The following NKAIN2 variants were observed in gnomAD, a reference collection of about 807,000 sequenced individuals.
The protein encoded by NKAIN2 is sodium/potassium-transporting ATPase subunit beta-1-interacting protein 2.
Under a neutral mutation model 32.6 loss-of-function variants are expected in NKAIN2, and 14 were observed. That is an observed-to-expected ratio of 0.43 (90% confidence interval 0.28 to 0.67). NKAIN2 has a LOEUF of 0.67. NKAIN2 is among the 30% of genes least tolerant of loss of function. The pLI, the probability that NKAIN2 is intolerant of heterozygous loss-of-function variation, is 0.17. For synonymous variants in NKAIN2, 80 were observed against 87.2 expected (o/e 0.92, Z 0.46); for missense variants, 198 against 258.3 (o/e 0.77, Z 1.60).
At chr6:124,387,341 A>C (rs1195761601) in intron 3 of NKAIN2, among the ~76,000 whole-genome samples, 1 of 151,610 alleles carries the variant, frequency 6.6e-6, no homozygotes, top group Non-Finnish European at 1.5e-5. Flanking sequence ...AGTGTGTGAA[A>C]GAACCTCCTT....
At chr6:123,827,891 C>G (rs544648254) in intron 1 of NKAIN2, among the ~76,000 whole-genome samples, 2 of 151,256 alleles carry the variant, frequency 1.3e-5, no homozygotes, top group Admixed American at 1.3e-4. Context: ...CTCTCTCTCT[C>G]TCTCTATATA....
chr6:124,797,353 T>TG lies in NKAIN2; in HGVS notation c.535+5955dup, dbSNP rs559198232. 3.7e-3 allele frequency among the ~76,000 whole-genome samples: 557 copies of TG among 152,318 alleles called. 2 individuals are homozygous for TG. Among genetic ancestry groups the TG allele is most frequent in the African/African-American group, 0.013 (538 of 41,568 alleles). The stretch of plus-strand genomic sequence containing the variant: ...TTTGCTAAAAGAGATTCAATGTATT[T>TG]GCAAATGTTGTTTAATGATGAAATC... On this transcript the variant is annotated intron_variant, in intron 5 of 6. Coordinates refer to ENST00000368417, the MANE Select transcript of NKAIN2 (RefSeq NM_001040214.3).
At chr6:124,003,662 A>G (rs9401720) in intron 1 of NKAIN2, among the ~76,000 whole-genome samples, 5,969 of 152,276 alleles carry the variant, frequency 0.039, 212 homozygotes, top group East Asian at 0.18. Flanking sequence ...AATGTAACAT[A>G]TAAGGCCAAG....
rs570717830 is a variant in NKAIN2, at chr6:124,596,401, C to T, written c.274-61785C>T. On this transcript the variant is annotated intron_variant, in intron 3 of 6. Coordinates refer to ENST00000368417, the MANE Select transcript of NKAIN2 (RefSeq NM_001040214.3). ...ATACTGTGTGAGAGCCCCACAGGGC[C>T]GCCAACTCTAGATGTGGCTGAGGGT... Among the ~76,000 whole-genome samples, 155 of 152,100 alleles carry T rather than the reference C, an allele frequency of 1.0e-3. 1 individual carries two copies. Among genetic ancestry groups the T allele is most frequent in the Non-Finnish European group, 1.7e-3 (117 of 67,982 alleles).
At chr6:124,746,947 A>G (rs1260745486) in intron 4 of NKAIN2, among the ~76,000 whole-genome samples, 1 of 151,936 alleles carries the variant, frequency 6.6e-6, no homozygotes, top group Non-Finnish European at 1.5e-5. Context: ...TATTATATCC[A>G]AAGAAAACAA....
intron 3 of NKAIN2, among the ~76,000 whole-genome samples, chr6:124,422,169 A>G (rs1320417911): frequency 1.3e-5 from 2 of 152,132 alleles, no homozygotes; most frequent in South Asian, 4.1e-4. Flanking sequence ...AATTTAGTAT[A>G]TGTCAGTTCT....
At chr6:124,364,703 T>C in intron 3 of NKAIN2, among the ~76,000 whole-genome samples, 1 of 151,764 alleles carries the variant, frequency 6.6e-6, no homozygotes, top group South Asian at 2.1e-4. Flanking sequence ...AAATAATTAC[T>C]AGCAAACTTT....
At chr6:124,014,349 A>G (rs1046289917) in intron 1 of NKAIN2, among the ~76,000 whole-genome samples, 138 of 152,280 alleles carry the variant, frequency 9.1e-4, no homozygotes, top group Admixed American at 1.2e-3. Flanking sequence ...ACTATACAAT[A>G]TTGTAACTGG....
At chr6:124,557,880 CTCAT>C (rs1177502813) in intron 3 of NKAIN2, among the ~76,000 whole-genome samples, 13 of 152,178 alleles carry the variant, frequency 8.5e-5, no homozygotes, top group Non-Finnish European at 1.3e-4. Flanking sequence ...TCTAAAGTGA[CTCAT>C]TCAGATGAAA....
intron 3 of NKAIN2, among the ~76,000 whole-genome samples, chr6:124,411,586 C>A (rs561430797): frequency 1.1e-3 from 166 of 152,368 alleles, no homozygotes; most frequent in Admixed American, 3.2e-3. Flanking sequence ...TGTGGGTAAC[C>A]TGACCTTTCT....
chr6:123,873,931 G>A (rs1360733462), intron 1 of NKAIN2, among the ~76,000 whole-genome samples: 1 of 151,868 alleles, frequency 6.6e-6, no homozygotes, highest in African/African-American at 2.4e-5. Context: ...TTTCCTGTTT[G>A]TTTATTTATT....
At position 124,704,510 on chromosome 6, in the gene NKAIN2, A is replaced by G. The variant is rs187886348; in HGVS notation, c.474+46124A>G. ...TAACTTGTTCCAAATAATAATAATA[A>G]AAAAACATGTTGGAGAAGAGCATAT... On this transcript the variant is annotated intron_variant, in intron 4 of 6. Coordinates refer to ENST00000368417, the MANE Select transcript of NKAIN2 (RefSeq NM_001040214.3). Among the ~76,000 whole-genome samples the G allele has an allele frequency of 3.5e-3, 539 of 152,036 alleles. 1 individual carries two copies. Among genetic ancestry groups the G allele is most frequent in the Non-Finnish European group, 4.4e-3 (296 of 67,872 alleles).
intron 1 of NKAIN2, among the ~76,000 whole-genome samples, chr6:124,230,118 G>A (rs984066466): frequency 2.0e-5 from 3 of 152,144 alleles, no homozygotes; most frequent in South Asian, 2.1e-4. Flanking sequence ...AGTCTGAGAT[G>A]ATCTCAGATG....
intron 1 of NKAIN2, among the ~76,000 whole-genome samples, chr6:124,168,960 C>T (rs1054300039): frequency 4.7e-4 from 72 of 152,020 alleles, no homozygotes; most frequent in African/African-American, 1.7e-3. Context: ...CAAATATTTG[C>T]GTATATTTTA....
intron 3 of NKAIN2, among the ~76,000 whole-genome samples, chr6:124,403,323 T>C (rs894886128): frequency 7.9e-5 from 12 of 152,156 alleles, no homozygotes; most frequent in African/African-American, 2.9e-4. Context: ...TGACATTATA[T>C]CCAGCAACAT....
chr6:124,634,588 G>A lies in NKAIN2; in HGVS notation c.274-23598G>A, dbSNP rs570173932. Among the ~76,000 whole-genome samples, 4 of 152,084 alleles carry A rather than the reference G, an allele frequency of 2.6e-5. No individual in the cohort carries two copies. In the East Asian group the frequency reaches 7.7e-4, roughly 29 times the overall value. Reference sequence around the variant, plus strand: ...AATAATAAAAGCCTATGTTACATGTGGGATACAATTAAGTAAACAAATATT... The same window carrying A: ...AATAATAAAAGCCTATGTTACATGTAGGATACAATTAAGTAAACAAATATT... On this transcript the variant is annotated intron_variant, in intron 3 of 6. Transcript: ENST00000368417.
At chr6:123,965,850 C>G (rs1582853783) in intron 1 of NKAIN2, among the ~76,000 whole-genome samples, 1 of 152,086 alleles carries the variant, frequency 6.6e-6, no homozygotes, top group Non-Finnish European at 1.5e-5. Context: ...TAAATTCTGT[C>G]TTGTATTACT....
At chr6:123,847,342 G>GA (rs368536236) in intron 1 of NKAIN2, among the ~76,000 whole-genome samples, 1,722 of 151,726 alleles carry the variant, frequency 0.011, 38 homozygotes, top group African/African-American at 0.04. Context: ...CAGCCAAACA[G>GA]AAAAAAAAGT....
In NKAIN2 at chr6:124,813,849, T is replaced by C. The variant is rs184914917; in HGVS notation, c.536-4538T>C. Among the ~76,000 whole-genome samples, 161 of 152,286 alleles carry C rather than the reference T, an allele frequency of 1.1e-3. 2 individuals carry two copies. Among genetic ancestry groups the C allele is most frequent in the African/African-American group, 3.7e-3 (152 of 41,548 alleles). ...TACTCTTTTCTAAATAATGCAGAGA[T>C]AAACTACGACCCAAACATCTAGCTG... On this transcript the variant is annotated intron_variant, in intron 5 of 6. Coordinates refer to ENST00000368417, the MANE Select transcript of NKAIN2 (RefSeq NM_001040214.3).
Sources: allele counts gnomAD v4.1 joint callset (sites outside exome capture counted in the v4.1 genomes callset), GRCh38; gene constraint gnomAD v4.1.1; transcripts MANE v1.5; gene names NCBI Gene and HGNC (gene_info 2026-07-23, HGNC 2026-07-21).